Variants in NBEAL2 observed in about 807,000 individuals in gnomAD.
The protein encoded by NBEAL2 is neurobeachin like 2, also known as neurobeachin-like protein 2.
NBEAL2 carries 160 observed loss-of-function variants against 299.8 expected under a neutral mutation model. That is an observed-to-expected ratio of 0.53 (90% confidence interval 0.47 to 0.61). NBEAL2 has a LOEUF of 0.61. Among genes scored for constraint, NBEAL2 ranks in the 20% least tolerant of loss-of-function variants. NBEAL2 has a pLI of 0.00. For missense variants in NBEAL2, 3,112 were observed against 3,649.0 expected (o/e 0.85, Z 3.79); for synonymous variants, 1,493 against 1,542.3 (o/e 0.97, Z 0.75).
intron 1 of NBEAL2, among the ~76,000 whole-genome samples, chr3:46,987,112 C>T (rs754598981): frequency 1.9e-4 from 29 of 152,366 alleles, no homozygotes; most frequent in Admixed American, 3.9e-4. Flanking sequence ...ACAGGGTGGA[C>T]GGCTGCTCTG....
chr3:46,986,855 G>T (rs529549690), intron 1 of NBEAL2, among the ~76,000 whole-genome samples: 1 of 152,318 alleles, frequency 6.6e-6, no homozygotes, highest in Admixed American at 6.5e-5. Flanking sequence ...ATCTGCAATG[G>T]GAGAGGTTCA....
Position 47,001,801 on chromosome 3 carries a change from G to T in NBEAL2, c.4757G>T (p.Gly1586Val). ...CAGATTGGCCTACGGCTTGTACTTG[G>T]CTACATCCTGCTGGAAGACCCACAG... is the stretch of plus-strand genomic sequence containing the variant. ...MAQIGLRLVL[G>V]YILLEDPQLH... Residue 1586 changes from glycine to valine, a missense_variant, in exon 30 of 54, where the codon GGC (glycine) becomes GTC (valine). By Grantham distance (109) the Gly-to-Val change is moderately radical (BLOSUM62 -3). Transcript: ENST00000450053. This position sits in a 1 kb window ranked among gnomAD's most constrained non-coding sequence, Gnocchi z 6.1. 1 of 1,613,796 alleles carries T rather than the reference G, an allele frequency of 6.2e-7. No individual in the cohort carries two copies. The highest frequency in any genetic ancestry group is 8.5e-7 in the Non-Finnish European group (1 of 1,179,898).
Position 47,001,248 on chromosome 3 carries a change from T to C in NBEAL2, c.4485-31T>C. The C allele has an allele frequency of 1.2e-6, 2 of 1,601,694 alleles. No homozygotes were observed. Among genetic ancestry groups the C allele is most frequent in the Non-Finnish European group, 1.7e-6 (2 of 1,171,182 alleles). On this transcript the variant is annotated intron_variant, in intron 28 of 53. Transcript: ENST00000450053. This position sits in a 1 kb window ranked among gnomAD's most constrained non-coding sequence, Gnocchi z 6.1. The stretch of plus-strand genomic sequence containing the variant: ...GGGGGAAGGAGAGAAGATAGTCAGG[T>C]AGACCCTTGAGTTCCCCACTCACCC...
chr3:46,979,706 C>T lies in NBEAL2; in HGVS notation c.-156C>T. 1 of 309,786 alleles carries T rather than the reference C, an allele frequency of 3.2e-6. No individual in the cohort carries two copies. Among genetic ancestry groups the T allele is most frequent in the Non-Finnish European group, 5.9e-6 (1 of 168,500 alleles). The allele number at this position is 309,786 out of a possible 1,614,324, so 19.2% of individuals were successfully genotyped here. A position where few individuals can be genotyped will look rare whatever the true frequency, so the allele number is the denominator to read the frequency against. On this transcript the variant is annotated 5_prime_UTR_variant, in exon 1 of 54. Coordinates refer to ENST00000450053, the MANE Select transcript of NBEAL2 (RefSeq NM_015175.3). ...CGAGCAGACTTGGGTGGCTCTGCGC[C>T]GCGGAGGCCACAGCCGCAGACTTCC... is the stretch of plus-strand genomic sequence containing the variant.
At position 46,979,967 on chromosome 3, in the gene NBEAL2, C is replaced by CGCGCCCCGCGCCTGCTGCACCTG. The variant is rs536171364; in HGVS notation, c.51+68_51+90dup. On this transcript the variant is annotated intron_variant, in intron 1 of 53. Coordinates refer to ENST00000450053, the MANE Select transcript of NBEAL2 (RefSeq NM_015175.3). ...CGCACCCGCGGTGCCCCCAGCTTCG[C>CGCGCCCCGCGCCTGCTGCACCTG]GCGCCCCGCGCCTGCTGCACCTGGC... The CGCGCCCCGCGCCTGCTGCACCTG allele has an allele frequency of 7.7e-4, 204 of 263,356 alleles. 1 individual carries two copies. Among genetic ancestry groups the CGCGCCCCGCGCCTGCTGCACCTG allele is most frequent in the African/African-American group, 4.3e-3 (190 of 43,942 alleles). 16.3% of individuals were successfully genotyped at this position (263,356 alleles called of 1,614,324 possible).
intron 10 of NBEAL2, 142 bp downstream of exon 10, chr3:46,992,697 C>T (rs977165316): frequency 3.8e-6 from 3 of 780,332 alleles, no homozygotes; most frequent in Non-Finnish European, 6.3e-6. Context: ...CATGCTGTCT[C>T]GCCTGCCTTC....
chr3:47,007,446 A>AGGTCTGGCCAGGCTCCCTGAG (rs1430895002), intron 47 of NBEAL2, 79 bp from the exon 48 acceptor site: 1 of 1,556,546 alleles, frequency 6.4e-7, no homozygotes, highest in East Asian at 2.4e-5. Flanking sequence ...TGCAGGGGAA[A>AGGTCTGGCCAGGCTCCCTGAG]GGTCTGGCCA....
intron 25 of NBEAL2, 76 bp from the exon 26 acceptor site, chr3:46,999,554 G>C (rs1338256654): frequency 6.3e-7 from 1 of 1,590,492 alleles, no homozygotes; most frequent in Admixed American, 1.7e-5. Context: ...GGAAGATAGT[G>C]GCATAGGGGC....
chr3:46,999,033 G>C lies in NBEAL2; in HGVS notation c.3459G>C (p.Leu1153=). The change falls in exon 24 of 54, where the codon CTG becomes CTC. Residue 1153 remains leucine, a synonymous_variant. Transcript: ENST00000450053. Reference sequence around the variant, plus strand: ...TGCAGGAGTCCTTGGCTGTCTTTCTGTTGGAGCCAGGGAACCTCGAAGTGC... The same window carrying C: ...TGCAGGAGTCCTTGGCTGTCTTTCTCTTGGAGCCAGGGAACCTCGAAGTGC... ...SLVQESLAVF[L]LEPGNLEVLL... 2 of 1,602,138 alleles carry C rather than the reference G, an allele frequency of 1.2e-6. No individual in the cohort carries two copies. Among genetic ancestry groups the C allele is most frequent in the Middle Eastern group, 1.7e-4 (1 of 5,968 alleles).
rs1195427446 is a variant in NBEAL2 at position 46,999,447 on chromosome 3, G to A, written c.3676G>A (p.Gly1226Ser). The change falls in exon 25 of 54, where the codon GGC becomes AGC. Residue 1226 changes from glycine (G) to serine (S), a missense_variant. Physicochemically the swap from Gly to Ser is moderately conservative, Grantham distance 56. This residue lies in a region of NBEAL2 where 2,243 missense variants were observed against 2,538.1 expected (regional missense o/e 0.88). Transcript: ENST00000450053. ...EGTVSPQLCQ[G>S]LYKLFLGADC... ...GACTGTTTCCCCCCAGCTCTGCCAG[G>A]GCCTCTACAAGCTGTTCCTGGGGGC... is the stretch of plus-strand genomic sequence containing the variant. 4 of 1,582,400 alleles carry A rather than the reference G, an allele frequency of 2.5e-6. No individual in the cohort carries two copies. Among genetic ancestry groups the A allele is most frequent in the Non-Finnish European group, 3.4e-6 (4 of 1,164,562 alleles).
rs922807521 is a variant in NBEAL2, at chr3:47,009,520, G to T, written c.*200G>T. 11 of 605,644 alleles carry T rather than the reference G, an allele frequency of 1.8e-5. No individual in the cohort carries two copies. 37.5% of individuals were successfully genotyped at this position (605,644 alleles called of 1,614,324 possible). The stretch of plus-strand genomic sequence containing the variant: ...AAGTCCCGCCCCTCGCCGGCTGAGG[G>T]GCCGCCCTGAGGGCCAGCACTGGCG... On this transcript the variant is annotated 3_prime_UTR_variant, in exon 54 of 54. Coordinates refer to ENST00000450053, the MANE Select transcript of NBEAL2 (RefSeq NM_015175.3).
Position 47,002,770 on chromosome 3 carries a change from G to C in NBEAL2, c.5427G>C (p.Gln1809His). ...TGCACTGGGGGGCGCTGTGGCGCCA[G>C]CTCGCCAGCCCATGTGGGGCCTGGG... is the stretch of plus-strand genomic sequence containing the variant. Reference protein sequence around the residue: ...ALLHWGALWRQLASPCGAWAL... With the variant: ...ALLHWGALWRHLASPCGAWAL... The change falls in exon 33 of 54, where the codon CAG (glutamine) becomes CAC (histidine). Residue 1809 changes from glutamine (Q) to histidine (H), a missense_variant. Transcript: ENST00000450053. 2 of 1,565,940 alleles carry C rather than the reference G, an allele frequency of 1.3e-6. No individual in the cohort carries two copies. Among genetic ancestry groups the C allele is most frequent in the Non-Finnish European group, 1.7e-6 (2 of 1,161,064 alleles).
intron 41 of NBEAL2, 39 bp from the exon 42 acceptor site, chr3:47,005,699 G>A (rs1163041779): frequency 6.2e-7 from 1 of 1,613,048 alleles, no homozygotes; most frequent in Non-Finnish European, 8.5e-7. Flanking sequence ...GGGCAGTCGG[G>A]ATGGACAGGG....
chr3:46,992,543 C>T lies in NBEAL2; in HGVS notation c.1101C>T (p.Pro367=), dbSNP rs767341510. ...TGGCTACCCGGTTACTGACTGAGCCCGATGTCCAAAAGGTACCATCCTGGG... is the reference window on the plus strand; with the variant it reads ...TGGCTACCCGGTTACTGACTGAGCCTGATGTCCAAAAGGTACCATCCTGGG... ...SDLATRLLTE[P]DVQKVLDQDT... is the part of the protein sequence containing the mutation. The change falls in exon 10 of 54, where the codon CCC becomes CCT. Residue 367 remains proline, a synonymous_variant. Coordinates refer to ENST00000450053, the MANE Select transcript of NBEAL2 (RefSeq NM_015175.3). The T allele has an allele frequency of 3.1e-6, 5 of 1,598,314 alleles. No individual in the cohort carries two copies. The highest frequency in any genetic ancestry group is 1.7e-4 in the Middle Eastern group (1 of 6,040).
chr3:47,008,312 C>T lies in NBEAL2; in HGVS notation c.7749C>T (p.Arg2583=). 6.2e-7 allele frequency: 1 copy of T among 1,613,150 alleles called. No homozygotes were observed. Among genetic ancestry groups the T allele is most frequent in the Non-Finnish European group, 8.5e-7 (1 of 1,179,462 alleles). ...GAACTGTGATCATACACACTGTACG[C>T]CGCGGACAGTTTGTAGCGGCACTAC... ...EDGTVIIHTV[R]RGQFVAALRP... Residue 2583 remains arginine (R), a synonymous_variant, in exon 51 of 54, where the codon CGC becomes CGT. Coordinates refer to ENST00000450053, the MANE Select transcript of NBEAL2 (RefSeq NM_015175.3).
rs2036449697 is a variant in NBEAL2 at position 46,995,760 on chromosome 3, G to T, written c.1945G>T (p.Ala649Ser). 1.2e-6 allele frequency: 2 copies of T among 1,613,604 alleles called. No individual in the cohort carries two copies. Among genetic ancestry groups the T allele is most frequent in the Non-Finnish European group, 1.7e-6 (2 of 1,179,868 alleles). Residue 649 changes from alanine (A) to serine (S), a missense_variant, in exon 14 of 54, where the codon GCC becomes TCC. Around this residue, in one of 3 missense-constraint regions of NBEAL2, gnomAD observed 2,243 missense variants for 2,538.1 expected, o/e 0.88. Coordinates refer to ENST00000450053, the MANE Select transcript of NBEAL2 (RefSeq NM_015175.3). ...AGGGTTTGAGGCCTTCTTCACGGCG[G>T]CCGGGACCCTGGTGGTGGCTGTGTG... ...GSGFEAFFTAAGTLVVAVCTR... is the reference protein window; with the variant it reads ...GSGFEAFFTASGTLVVAVCTR...
chr3:47,008,470 G>A (rs1575632469), intron 51 of NBEAL2, 29 bp downstream of exon 51: 1 of 1,609,988 alleles, frequency 6.2e-7, no homozygotes, highest in East Asian at 2.2e-5. Flanking sequence ...CAGCAAAGAT[G>A]GAGGGGCAGT....
rs140703557 is a variant in NBEAL2 at position 47,006,483 on chromosome 3, T to C, written c.7134+34T>C. On this transcript the variant is annotated intron_variant, in intron 45 of 53. Coordinates refer to ENST00000450053, the MANE Select transcript of NBEAL2 (RefSeq NM_015175.3). The stretch of plus-strand genomic sequence containing the variant: ...AAGACAAGACCTCAACTTTATATTC[T>C]GTGAAATGGGTTTAACCCCACTGTC... 466 of 1,540,284 alleles carry C rather than the reference T, an allele frequency of 3.0e-4. 6 individuals carry two copies. The East Asian group carries it at 8.8e-3, about 29-fold the overall frequency.
intron 1 of NBEAL2, among the ~76,000 whole-genome samples, chr3:46,985,661 C>T (rs2035626978): frequency 6.6e-6 from 1 of 152,214 alleles, no homozygotes; most frequent in Non-Finnish European, 1.5e-5. Context: ...TTCCCACAAC[C>T]TTCTCCCCTG....
Sources: allele counts gnomAD v4.1 joint callset (sites outside exome capture counted in the v4.1 genomes callset), GRCh38; gene constraint gnomAD v4.1.1; regional missense constraint gnomAD v4.1.1; non-coding constraint Gnocchi (gnomAD v3.1); transcripts MANE v1.5; gene names NCBI Gene and HGNC (gene_info 2026-07-23, HGNC 2026-07-21).